Variants in ATRNL1 observed in about 807,000 individuals in gnomAD.
ATRNL1 encodes the protein attractin-like protein 1.
Under a neutral mutation model 182.7 loss-of-function variants are expected in ATRNL1, and 95 were observed. That is an observed-to-expected ratio of 0.52 (90% CI 0.44 to 0.62). ATRNL1 has a LOEUF of 0.62. Ranked by LOEUF, ATRNL1 falls within the 20% of genes least tolerant of loss-of-function variation. The pLI is 0.00. For missense variants in ATRNL1, 1,471 were observed against 1,679.5 expected, an observed-to-expected ratio of 0.88 and a Z score of 2.17; for synonymous variants, 576 against 568.3, an observed-to-expected ratio of 1.01 and a Z score of -0.19.
At chr10:115,869,074 C>T (rs1161667511) in intron 28 of ATRNL1, among the ~76,000 whole-genome samples, 1 of 152,044 alleles carries the variant, frequency 6.6e-6, no homozygotes, top group Non-Finnish European at 1.5e-5. Context: ...CGTGATCCGC[C>T]CGCCTCGGCC....
At chr10:115,250,975 A>G (rs1850851874) in intron 10 of ATRNL1, among the ~76,000 whole-genome samples, 1 of 152,240 alleles carries the variant, frequency 6.6e-6, no homozygotes, top group African/African-American at 2.4e-5. Context: ...AAAAGTGTGA[A>G]GGTATACTAG....
chr10:115,667,229 T>A (rs536031726), intron 26 of ATRNL1, among the ~76,000 whole-genome samples: 26 of 152,120 alleles, frequency 1.7e-4, no homozygotes, highest in Non-Finnish European at 3.2e-4. Flanking sequence ...TCCCACTCCC[T>A]TCTAAAAAGG....
In ATRNL1 at chr10:115,390,365, T is replaced by C. The variant is rs562790412; in HGVS notation, c.3176-4294T>C. On this transcript the variant is annotated intron_variant, in intron 19 of 28. Transcript: ENST00000355044. Reference sequence around the variant, plus strand: ...TGCATTTTGAGTTGAGTTTTGTGTATTGAATAAGGTTCTAATCTCATTATT... The same window carrying C: ...TGCATTTTGAGTTGAGTTTTGTGTACTGAATAAGGTTCTAATCTCATTATT... Among the ~76,000 whole-genome samples, 7 of 152,304 alleles carry C rather than the reference T, an allele frequency of 4.6e-5. 1 individual carries two copies. The highest frequency in any genetic ancestry group is 2.1e-4 in the South Asian group (1 of 4,830).
intron 8 of ATRNL1, among the ~76,000 whole-genome samples, chr10:115,178,536 A>G (rs1340214368): frequency 2.0e-5 from 3 of 152,158 alleles, no homozygotes; most frequent in East Asian, 3.9e-4. Context: ...TGAATATGAC[A>G]CATGCTACAA....
At chr10:115,428,998 C>T (rs1320185053) in intron 21 of ATRNL1, among the ~76,000 whole-genome samples, 1 of 152,056 alleles carries the variant, frequency 6.6e-6, no homozygotes, top group Non-Finnish European at 1.5e-5. Context: ...TCCTTGACAT[C>T]CTCATCAATA....
intron 28 of ATRNL1, among the ~76,000 whole-genome samples, chr10:115,861,332 TAG>T (rs1233639297): frequency 6.6e-6 from 1 of 152,190 alleles, no homozygotes; most frequent in East Asian, 1.9e-4. Flanking sequence ...ATTATTTCTG[TAG>T]GGGCTAAATT....
At chr10:115,551,872 A>G (rs918585635) in intron 26 of ATRNL1, among the ~76,000 whole-genome samples, 13 of 151,576 alleles carry the variant, frequency 8.6e-5, no homozygotes, top group Admixed American at 6.6e-4. Context: ...CTATTAAGAT[A>G]TTTTGAGAGA....
intron 10 of ATRNL1, among the ~76,000 whole-genome samples, chr10:115,247,115 A>G (rs1197190162): frequency 3.9e-5 from 6 of 152,156 alleles, no homozygotes; most frequent in African/African-American, 1.4e-4. Flanking sequence ...GACTTTCTGC[A>G]AAAGGCCGCA....
chr10:115,921,528 A>G (rs1359391620), intron 28 of ATRNL1, among the ~76,000 whole-genome samples: 1 of 151,402 alleles, frequency 6.6e-6, no homozygotes, highest in African/African-American at 2.4e-5. Flanking sequence ...AGGTTCTTAA[A>G]TTCTTTTACA....
chr10:115,333,093 A>G (rs1397466616), intron 18 of ATRNL1, among the ~76,000 whole-genome samples: 1 of 152,224 alleles, frequency 6.6e-6, no homozygotes, highest in African/African-American at 2.4e-5. Flanking sequence ...ACTACAAACA[A>G]TTGGCACCAG....
chr10:115,846,144 A>C (rs1262259142), intron 27 of ATRNL1, among the ~76,000 whole-genome samples: 1 of 152,070 alleles, frequency 6.6e-6, no homozygotes, highest in Admixed American at 6.6e-5. Flanking sequence ...AACTTGATAC[A>C]AGTATTGCAA....
intron 26 of ATRNL1, among the ~76,000 whole-genome samples, chr10:115,578,224 G>T (rs1229140386): frequency 1.3e-5 from 2 of 151,712 alleles, no homozygotes; most frequent in African/African-American, 4.8e-5. Flanking sequence ...CTTTTCTCGT[G>T]ATGTCTCTGT....
chr10:115,537,931 G>C (rs1275793169), intron 25 of ATRNL1, among the ~76,000 whole-genome samples: 1 of 152,050 alleles, frequency 6.6e-6, no homozygotes, highest in African/African-American at 2.4e-5. Flanking sequence ...CCTGATCTCT[G>C]TTCTTGCAGT....
intron 26 of ATRNL1, among the ~76,000 whole-genome samples, chr10:115,571,983 G>T (rs1209292802): frequency 1.3e-5 from 2 of 151,896 alleles, no homozygotes; most frequent in African/African-American, 2.4e-5. Context: ...GCCATGTATT[G>T]TATGATGTTT....
chr10:115,354,173 G>A (rs961995124), intron 19 of ATRNL1, among the ~76,000 whole-genome samples: 1 of 147,366 alleles, frequency 6.8e-6, no homozygotes, highest in East Asian at 2.2e-4. Context: ...TAGTGATAGT[G>A]TGTTTTATAC....
chr10:115,631,164 G>A (rs989160271), intron 26 of ATRNL1, among the ~76,000 whole-genome samples: 4 of 152,050 alleles, frequency 2.6e-5, no homozygotes, highest in Non-Finnish European at 4.4e-5. Flanking sequence ...AGCATGGGGA[G>A]TATAGTTACT....
intron 26 of ATRNL1, among the ~76,000 whole-genome samples, chr10:115,562,813 C>T (rs1227546113): frequency 6.6e-6 from 1 of 152,156 alleles, no homozygotes; most frequent in African/African-American, 2.4e-5. Context: ...GCCGCTTTAC[C>T]AGTCTCAAGT....
chr10:115,744,325 C>T (rs1593158450), intron 27 of ATRNL1, among the ~76,000 whole-genome samples: 1 of 152,014 alleles, frequency 6.6e-6, no homozygotes, highest in Non-Finnish European at 1.5e-5. Flanking sequence ...CTAGACATTC[C>T]AGATAGCACA....
chr10:115,381,935 C>A (rs1287295150), intron 19 of ATRNL1, among the ~76,000 whole-genome samples: 1 of 151,870 alleles, frequency 6.6e-6, no homozygotes, highest in Non-Finnish European at 1.5e-5. Flanking sequence ...AGTTGTCCTG[C>A]CATCATTTGT....
Sources: allele counts gnomAD v4.1 joint callset (sites outside exome capture counted in the v4.1 genomes callset), GRCh38; gene constraint gnomAD v4.1.1; transcripts MANE v1.5; gene names NCBI Gene and HGNC (gene_info 2026-07-23, HGNC 2026-07-21).